LMO3: variants seen among roughly 807,000 people sequenced by gnomAD.
The protein encoded by LMO3 is LIM domain only 3.
LMO3 carries 2 observed loss-of-function variants against 15.8 expected under a neutral mutation model. The observed-to-expected ratio is 0.13, with a 90% CI of 0.05 to 0.40. The LOEUF (loss-of-function observed/expected upper bound fraction) is 0.40, where lower values mean the gene tolerates loss of function less well. Among genes scored for constraint, LMO3 ranks in the 10% least tolerant of loss-of-function variants. The pLI is 0.99. For missense variants in LMO3, 86 were observed against 182.2 expected (o/e 0.47, Z 3.04); for synonymous variants, 62 against 63.8 (o/e 0.97, Z 0.13).
chr12:16,601,913 C>A (rs1943835858), intron 1 of LMO3: 1 of 152,190 alleles, frequency 6.6e-6, no homozygotes, highest in Admixed American at 6.5e-5. Flanking sequence ...AGAAGCTGGA[C>A]CAACTATCCA....
rs1206224267 is a variant in LMO3, at chr12:16,598,369, T to G, written c.206+2286A>C. 1 of 152,106 alleles carries G rather than the reference T, an allele frequency of 6.6e-6. No homozygotes were observed. The allele number at this position is 152,106 out of a possible 1,614,324, so 9.4% of individuals were successfully genotyped here. A position where few individuals can be genotyped will look rare whatever the true frequency, so the allele number is the denominator to read the frequency against. ...CTTTCAGTTTAAATAAGGGACAAGATTGCTGTTAACAACTTAGTTTGAAAT... is the reference window on the plus strand; with the variant it reads ...CTTTCAGTTTAAATAAGGGACAAGAGTGCTGTTAACAACTTAGTTTGAAAT... On this transcript the variant is annotated intron_variant, in intron 2 of 3. Coordinates refer to ENST00000537304, the MANE Select transcript of LMO3 (RefSeq NM_018640.5). The surrounding 1 kb of genome is among the most constrained non-coding windows in gnomAD (Gnocchi z 4.3).
rs1412142902 is a variant in LMO3, at chr12:16,593,016, T to C, written c.206+7639A>G. ...GCTTGTTGGGATCCCACAGCATAAATGAGACAGGAATTTATTTTTTCTCTG... is the reference window on the plus strand; with the variant it reads ...GCTTGTTGGGATCCCACAGCATAAACGAGACAGGAATTTATTTTTTCTCTG... On this transcript the variant is annotated intron_variant, in intron 2 of 3. Transcript: ENST00000537304. The surrounding 1 kb of genome is among the most constrained non-coding windows in gnomAD (Gnocchi z 4.2). Among the ~76,000 whole-genome samples the C allele has an allele frequency of 6.6e-6, 1 of 151,870 alleles. No individual in the cohort carries two copies. Among genetic ancestry groups the C allele is most frequent in the Non-Finnish European group, 1.5e-5 (1 of 67,828 alleles).
chr12:16,606,969 TTAAAA>T (rs1372015324), upstream of LMO3: 2 of 152,068 alleles, frequency 1.3e-5, no homozygotes, highest in East Asian at 1.9e-4. Context: ...ATTATGGAAA[TTAAAA>T]TAAAAGCAAG....
Position 16,603,084 on chromosome 12 carries a change from A to G in LMO3, c.-8-2216T>C, listed in dbSNP as rs1943877456. ...TAGAAGGTCAGCTGTTTTATTCAAAATGCTTTGCAACCAAGACAGGGGATA... is the reference window on the plus strand; with the variant it reads ...TAGAAGGTCAGCTGTTTTATTCAAAGTGCTTTGCAACCAAGACAGGGGATA... On this transcript the variant is annotated intron_variant, in intron 1 of 3. Transcript: ENST00000537304. This position sits in a 1 kb window ranked among gnomAD's most constrained non-coding sequence, Gnocchi z 4.9. Among the ~76,000 whole-genome samples, 1 of 152,220 alleles carries G rather than the reference A, an allele frequency of 6.6e-6. No homozygotes were observed. Among genetic ancestry groups the G allele is most frequent in the Non-Finnish European group, 1.5e-5 (1 of 68,032 alleles).
chr12:16,592,628 C>T (rs1943529607), intron 2 of LMO3, among the ~76,000 whole-genome samples: 1 of 151,848 alleles, frequency 6.6e-6, no homozygotes, highest in Admixed American at 6.6e-5. Flanking sequence ...ATGTTACCAA[C>T]TTTATACATA....
At chr12:16,554,602 C>A (rs542593228) in intron 3 of LMO3, among the ~76,000 whole-genome samples, 1 of 152,282 alleles carries the variant, frequency 6.6e-6, no homozygotes, top group African/African-American at 2.4e-5. Flanking sequence ...TACCCACACC[C>A]CAAATCTTGC....
intron 2 of LMO3, among the ~76,000 whole-genome samples, chr12:16,572,314 T>C (rs1311484684): frequency 6.6e-6 from 1 of 151,126 alleles, no homozygotes; most frequent in African/African-American, 2.4e-5. Flanking sequence ...ACATTCTCTA[T>C]GTTTTCTGCA....
chr12:16,572,875 T>C (rs1320607491), intron 2 of LMO3, among the ~76,000 whole-genome samples: 1 of 151,724 alleles, frequency 6.6e-6, no homozygotes. Context: ...CTAAGGTATT[T>C]GATATGAATT....
At chr12:16,600,511 G>C in intron 2 of LMO3, 144 bp downstream of exon 2, 1 of 662,132 alleles carries the variant, frequency 1.5e-6, no homozygotes, top group Non-Finnish European at 2.6e-6. Context: ...ACACACACAG[G>C]GCAACGCTTT....
At chr12:16,602,733 C>T (rs1328690255) in intron 1 of LMO3, among the ~76,000 whole-genome samples, 1 of 152,146 alleles carries the variant, frequency 6.6e-6, no homozygotes, top group Non-Finnish European at 1.5e-5. Flanking sequence ...ACTAGTTATC[C>T]TCTTCTAGCA....
intron 2 of LMO3, among the ~76,000 whole-genome samples, chr12:16,578,094 C>T (rs113224451): frequency 5.3e-5 from 8 of 152,224 alleles, no homozygotes; most frequent in East Asian, 1.9e-4. Context: ...TCATTGCTCA[C>T]GGCACCTCAT....
At chr12:16,569,362 A>G (rs549507115) in intron 2 of LMO3, among the ~76,000 whole-genome samples, 1 of 152,288 alleles carries the variant, frequency 6.6e-6, no homozygotes, top group South Asian at 2.1e-4. Flanking sequence ...AGGTTTCTGG[A>G]CTGACAGAGG....
intron 3 of LMO3, among the ~76,000 whole-genome samples, chr12:16,554,646 C>G (rs1444050372): frequency 1.3e-5 from 2 of 152,270 alleles, no homozygotes; most frequent in East Asian, 3.9e-4. Flanking sequence ...TACTTTAAGT[C>G]CACTATATCT....
intron 2 of LMO3, among the ~76,000 whole-genome samples, chr12:16,588,789 C>T (rs1030745943): frequency 4.6e-5 from 7 of 152,138 alleles, no homozygotes; most frequent in Admixed American, 2.6e-4. Context: ...CTTTCATATT[C>T]TTCATTATTA....
At chr12:16,605,112 A>T (rs757019667) in intron 1 of LMO3, 65 of 1,434,696 alleles carry the variant, frequency 4.5e-5, no homozygotes, top group Non-Finnish European at 3.6e-5. Context: ...GGGCGCACAC[A>T]CGGAGCCCCT....
At chr12:16,566,942 C>T (rs1409098875) in intron 2 of LMO3, among the ~76,000 whole-genome samples, 3 of 151,904 alleles carry the variant, frequency 2.0e-5, no homozygotes, top group Admixed American at 1.3e-4. Flanking sequence ...GCTACATAGT[C>T]ATATATATAT....
rs1336184422 is a variant in LMO3 at position 16,586,677 on chromosome 12, A to G, written c.206+13978T>C. On this transcript the variant is annotated intron_variant, in intron 2 of 3. Coordinates refer to ENST00000537304, the MANE Select transcript of LMO3 (RefSeq NM_018640.5). This position sits in a 1 kb window ranked among gnomAD's most constrained non-coding sequence, Gnocchi z 4.3. ...ATAAGGCTATACCGTCGGGGTAGAG[A>G]TTTCAAGATACACATCTTTTGACCC... 6.6e-6 allele frequency among the ~76,000 whole-genome samples: 1 copy of G among 152,126 alleles called. No individual in the cohort carries two copies. Among genetic ancestry groups the G allele is most frequent in the Non-Finnish European group, 1.5e-5 (1 of 68,032 alleles).
rs558369804 is a variant in LMO3 at position 16,571,263 on chromosome 12, C to T, written c.207-10725G>A. 7.2e-5 allele frequency among the ~76,000 whole-genome samples: 11 copies of T among 152,098 alleles called. No individual in the cohort carries two copies. The South Asian group carries it at 8.3e-4, about 11-fold the overall frequency. The stretch of plus-strand genomic sequence containing the variant: ...TCCTTGTATTTAACTAAGGATATTA[C>T]GTTACAAAGGCATCAGTATTTTATT... On this transcript the variant is annotated intron_variant, in intron 2 of 3. Coordinates refer to ENST00000537304, the MANE Select transcript of LMO3 (RefSeq NM_018640.5).
chr12:16,551,517 C>T (rs1197175871), intron 3 of LMO3, among the ~76,000 whole-genome samples, 190 bp from the exon 4 acceptor site: 3 of 151,148 alleles, frequency 2.0e-5, no homozygotes, highest in Non-Finnish European at 4.4e-5. Flanking sequence ...ATGTTGCACA[C>T]ATTTGAAATC....
Sources: gnomAD v4.1 joint callset for allele counts (sites outside exome capture counted in the v4.1 genomes callset) on GRCh38, gnomAD v4.1.1 for gene constraint, Gnocchi (gnomAD v3.1) non-coding constraint, MANE v1.5 for transcripts, NCBI Gene and HGNC (gene_info 2026-07-23, HGNC 2026-07-21) for gene names.